The following TMEM132D variants were observed in gnomAD, a reference collection of about 807,000 sequenced individuals.
TMEM132D encodes transmembrane protein 132D.
TMEM132D carries 21 observed loss-of-function variants against 62.3 expected under a neutral mutation model. That is an observed-to-expected ratio of 0.34 (90% confidence interval 0.24 to 0.49). The LOEUF (loss-of-function observed/expected upper bound fraction) is 0.49. Among genes scored for constraint, TMEM132D ranks in the 20% least tolerant of loss-of-function variants. The pLI is 0.99. For synonymous variants in TMEM132D, 621 were observed against 575.6 expected, an observed-to-expected ratio of 1.08 and a Z score of -1.13; for missense variants, 1,346 against 1,402.8, an observed-to-expected ratio of 0.96 and a Z score of 0.65.
chr12:129,744,354 G>A (rs1040887767), intron 1 of TMEM132D, among the ~76,000 whole-genome samples: 1 of 152,148 alleles, frequency 6.6e-6, no homozygotes, highest in Non-Finnish European at 1.5e-5. Context: ...TTCCACTCCA[G>A]AATCTCATGT....
chr12:129,289,175 T>G (rs1881378872), intron 4 of TMEM132D, among the ~76,000 whole-genome samples: 1 of 152,114 alleles, frequency 6.6e-6, no homozygotes, highest in Non-Finnish European at 1.5e-5. Context: ...ATTCGAGATA[T>G]CTGTAAAACC....
At chr12:129,678,439 TG>T (rs1245203313) in intron 2 of TMEM132D, among the ~76,000 whole-genome samples, 3 of 152,308 alleles carry the variant, frequency 2.0e-5, no homozygotes, top group African/African-American at 7.2e-5. Context: ...TGGCTATTTT[TG>T]TTTTCGTTTA....
chr12:129,559,313 C>A (rs1877148593), intron 2 of TMEM132D, among the ~76,000 whole-genome samples: 1 of 152,236 alleles, frequency 6.6e-6, no homozygotes, highest in South Asian at 2.1e-4. Flanking sequence ...AACAGATACT[C>A]TTGAAACTAT....
chr12:129,406,092 A>G (rs1871775557), intron 3 of TMEM132D, among the ~76,000 whole-genome samples: 1 of 152,228 alleles, frequency 6.6e-6, no homozygotes, highest in African/African-American at 2.4e-5. Flanking sequence ...AAAATAAAAT[A>G]TTGTACATGT....
intron 5 of TMEM132D, among the ~76,000 whole-genome samples, chr12:129,162,049 G>A (rs899028959): frequency 6.6e-6 from 1 of 152,140 alleles, no homozygotes; most frequent in African/African-American, 2.4e-5. Flanking sequence ...AGAATAATGG[G>A]TGAGGGTTAT....
In TMEM132D at chr12:129,870,934, G is replaced by A. The variant is rs974657462; in HGVS notation, c.79+32327C>T. Among the ~76,000 whole-genome samples, 13 of 152,124 alleles carry A rather than the reference G, an allele frequency of 8.5e-5. 1 individual carries two copies. Among genetic ancestry groups the A allele is most frequent in the Admixed American group, 8.5e-4 (13 of 15,264 alleles). ...AGGTGGTCAGTGTCAGAATTGCATT[G>A]AATCGCAGGACACACCATTGGTATC... On this transcript the variant is annotated intron_variant, in intron 1 of 8. Transcript: ENST00000422113.
intron 3 of TMEM132D, among the ~76,000 whole-genome samples, chr12:129,354,049 A>G (rs778199255): frequency 3.9e-5 from 6 of 152,076 alleles, no homozygotes; most frequent in Non-Finnish European, 8.8e-5. Flanking sequence ...AAATAGATGA[A>G]GTCAAAACTG....
intron 1 of TMEM132D, among the ~76,000 whole-genome samples, chr12:129,850,441 T>C (rs115205311): frequency 0.012 from 1,871 of 152,110 alleles, 40 homozygotes; most frequent in African/African-American, 0.042. Flanking sequence ...AGATGAAACA[T>C]GTTAAGGGGA....
rs555792762 is a variant in TMEM132D at position 129,283,603 on chromosome 12, A to G, written c.1299+54031T>C. On this transcript the variant is annotated intron_variant, in intron 4 of 8. Transcript: ENST00000422113. ...TTCCCAAAGTATTGAATGATTTTCAAGACATGTCTTTGAAAATGGAATTGT... is the reference window on the plus strand; with the variant it reads ...TTCCCAAAGTATTGAATGATTTTCAGGACATGTCTTTGAAAATGGAATTGT... Among the ~76,000 whole-genome samples the G allele has an allele frequency of 1.9e-3, 295 of 152,350 alleles. 2 individuals carry two copies. The highest frequency in any genetic ancestry group is 6.4e-3 in the Admixed American group (98 of 15,300).
intron 3 of TMEM132D, among the ~76,000 whole-genome samples, chr12:129,464,548 T>C (rs1216832833): frequency 6.6e-6 from 1 of 152,234 alleles, no homozygotes; most frequent in Non-Finnish European, 1.5e-5. Flanking sequence ...TCCTTGCCCA[T>C]GCCTATGTCC....
intron 2 of TMEM132D, among the ~76,000 whole-genome samples, chr12:129,633,387 C>T (rs913103571): frequency 2.0e-5 from 3 of 152,058 alleles, no homozygotes; most frequent in Admixed American, 6.5e-5. Flanking sequence ...GGACTCCCGG[C>T]CATAGTAGGT....
At chr12:129,367,891 T>A (rs1422015255) in intron 3 of TMEM132D, among the ~76,000 whole-genome samples, 2 of 150,962 alleles carry the variant, frequency 1.3e-5, no homozygotes, top group Non-Finnish European at 3.0e-5. Flanking sequence ...GTGCAAGTAA[T>A]TCTCCTGCCT....
intron 1 of TMEM132D, among the ~76,000 whole-genome samples, chr12:129,832,008 G>A (rs1872853652): frequency 7.0e-6 from 1 of 141,916 alleles, no homozygotes; most frequent in Admixed American, 7.4e-5. Context: ...TAGCTGGGAC[G>A]ACAGGCACCT....
intron 2 of TMEM132D, among the ~76,000 whole-genome samples, chr12:129,689,674 T>C (rs570416047): frequency 1.3e-5 from 2 of 152,364 alleles, no homozygotes; most frequent in Non-Finnish European, 2.9e-5. Flanking sequence ...TTGGGATCAA[T>C]ACTGTCCTAG....
Position 129,095,840 on chromosome 12 carries a change from C to G in TMEM132D, c.1444-11138G>C, listed in dbSNP as rs141146602. Among the ~76,000 whole-genome samples, 743 of 152,288 alleles carry G rather than the reference C, an allele frequency of 4.9e-3. 4 individuals carry two copies. Among genetic ancestry groups the G allele is most frequent in the African/African-American group, 0.017 (695 of 41,550 alleles). ...TCTGCAACTGTGAGAAAATGAAGCT[C>G]TGTTGTGTAAGCCACCTGCTCCTTG... On this transcript the variant is annotated intron_variant, in intron 5 of 8. Transcript: ENST00000422113.
intron 1 of TMEM132D, among the ~76,000 whole-genome samples, chr12:129,726,008 G>A (rs555442961): frequency 4.6e-5 from 7 of 152,206 alleles, no homozygotes; most frequent in African/African-American, 1.7e-4. Context: ...CCAGGTAGAG[G>A]ATATGCATGT....
chr12:129,787,287 G>C (rs1871272249), intron 1 of TMEM132D, among the ~76,000 whole-genome samples: 1 of 152,182 alleles, frequency 6.6e-6, no homozygotes, highest in Non-Finnish European at 1.5e-5. Context: ...GAAGTAAGTA[G>C]AAGATAGGAA....
intron 2 of TMEM132D, among the ~76,000 whole-genome samples, chr12:129,613,186 C>T (rs1418700405): frequency 1.1e-4 from 17 of 152,098 alleles, no homozygotes; most frequent in Non-Finnish European, 2.5e-4. Context: ...GTCACTTTGG[C>T]ACGTAACTGC....
chr12:129,878,184 T>C (rs2137383390), intron 1 of TMEM132D, among the ~76,000 whole-genome samples: 1 of 152,338 alleles, frequency 6.6e-6, no homozygotes, highest in South Asian at 2.1e-4. Context: ...TCCCTTGTTT[T>C]GGTGTGTCTC....
Sources: gnomAD v4.1 joint callset for allele counts (sites outside exome capture counted in the v4.1 genomes callset) on GRCh38, gnomAD v4.1.1 for gene constraint, MANE v1.5 for transcripts, NCBI Gene and HGNC (gene_info 2026-07-23, HGNC 2026-07-21) for gene names.